The following TMPRSS5 variants were observed in gnomAD, a reference collection of about 807,000 sequenced individuals.
TMPRSS5 encodes transmembrane protease serine 5.
In TMPRSS5, 45 loss-of-function variants were observed where a neutral mutation model predicts 59.7. The observed-to-expected ratio is 0.75, with a 90% confidence interval of 0.59 to 0.97. The LOEUF is 0.97. Ranked by LOEUF, TMPRSS5 falls within the 50% of genes least tolerant of loss-of-function variation. The pLI is 0.00. For missense variants in TMPRSS5, 585 were observed against 596.7 expected, an observed-to-expected ratio of 0.98 and a Z score of 0.20; for synonymous variants, 225 against 232.0, an observed-to-expected ratio of 0.97 and a Z score of 0.27.
chr11:113,704,410 T>C lies in TMPRSS5; in HGVS notation c.3+1812A>G, dbSNP rs191853911. 2.1e-3 allele frequency among the ~76,000 whole-genome samples: 317 copies of C among 152,298 alleles called. 9 individuals carry two copies. Among genetic ancestry groups the C allele is most frequent in the Non-Finnish European group, 4.9e-4 (33 of 68,014 alleles). The stretch of plus-strand genomic sequence containing the variant: ...TAAAGTCAGAGTAATCTTTCTAAAA[T>C]GCAAATATGAGCATGTGAGCCCCAT... On this transcript the variant is annotated intron_variant, in intron 1 of 12. Coordinates refer to ENST00000299882, the MANE Select transcript of TMPRSS5 (RefSeq NM_030770.4).
Position 113,697,358 on chromosome 11 carries a change from C to A in TMPRSS5, c.389G>T (p.Arg130Leu). The change falls in exon 5 of 13, where the codon CGC becomes CTC. Residue 130 changes from arginine (R) to leucine (L), a missense_variant. By Grantham distance (102) the Arg-to-Leu change is moderately radical. Coordinates refer to ENST00000299882, the MANE Select transcript of TMPRSS5 (RefSeq NM_030770.4). The part of the protein sequence containing the change: ...LLEAQVRDQP[R>L]WLLVCHEGWS... ...GCCCTCATGGCAGACCAGGAGCCAGCGTGGCTGATCCCTCACTTGCGCTTC... is the reference window on the plus strand; with the variant it reads ...GCCCTCATGGCAGACCAGGAGCCAGAGTGGCTGATCCCTCACTTGCGCTTC... 1.2e-6 allele frequency: 2 copies of A among 1,613,820 alleles called. No individual in the cohort carries two copies. Among genetic ancestry groups the A allele is most frequent in the Non-Finnish European group, 1.7e-6 (2 of 1,179,724 alleles).
chr11:113,694,666 A>C (rs1382828818), intron 7 of TMPRSS5, 26 bp from the exon 8 acceptor site: 2 of 1,522,966 alleles, frequency 1.3e-6, no homozygotes, highest in African/African-American at 2.8e-5. Context: ...GGTGAGATAG[A>C]AAGAGAGAGA....
chr11:113,697,029 A>G (rs1396523813), intron 5 of TMPRSS5, 58 bp from the exon 6 acceptor site: 2 of 1,332,744 alleles, frequency 1.5e-6, no homozygotes, highest in Non-Finnish European at 1.1e-6. Context: ...TGTACGAGAT[A>G]TAATACTAGT....
chr11:113,701,135 T>C (rs1953118993), intron 1 of TMPRSS5, among the ~76,000 whole-genome samples: 1 of 152,260 alleles, frequency 6.6e-6, no homozygotes, highest in South Asian at 2.1e-4. Flanking sequence ...TAATTCTTTA[T>C]AGCAGTGTGA....
chr11:113,690,928 C>T lies in TMPRSS5; in HGVS notation c.976G>A (p.Ala326Thr), dbSNP rs117055692. 24 of 1,587,296 alleles carry T rather than the reference C, an allele frequency of 1.5e-5. No individual in the cohort carries two copies. The highest frequency in any genetic ancestry group is 7.2e-5 in the Admixed American group (4 of 55,714). ...TALNFSDTVG[A>T]VCLPAKEQHF... ...TGTTCCTTGGCCGGCAGGCACACAG[C>T]GCCCACAGTGTCTGTAGAGAGGCAC... is the stretch of plus-strand genomic sequence containing the variant. The change falls in exon 10 of 13, where the codon GCT becomes ACT. Residue 326 changes from alanine to threonine, a missense_variant. Physicochemically the swap from Ala to Thr is moderately conservative, Grantham distance 58 (BLOSUM62 0). Coordinates refer to ENST00000299882, the MANE Select transcript of TMPRSS5 (RefSeq NM_030770.4).
intron 10 of TMPRSS5, among the ~76,000 whole-genome samples, 199 bp downstream of exon 10, chr11:113,690,642 A>G (rs1952749770): frequency 6.6e-6 from 1 of 152,192 alleles, no homozygotes; most frequent in East Asian, 1.9e-4. Context: ...GTCTGGGTTT[A>G]GGGAAAACTT....
Position 113,698,953 on chromosome 11 carries a change from A to T in TMPRSS5, c.280T>A (p.Ser94Thr). 6.2e-7 allele frequency: 1 copy of T among 1,601,096 alleles called. No homozygotes were observed. Among genetic ancestry groups the T allele is most frequent in the Non-Finnish European group, 8.5e-7 (1 of 1,173,938 alleles). Residue 94 changes from serine (S) to threonine (T), a missense_variant, in exon 4 of 13, where the codon TCA becomes ACA. Ser to Thr is a moderately conservative substitution (Grantham distance 58). Coordinates refer to ENST00000299882, the MANE Select transcript of TMPRSS5 (RefSeq NM_030770.4). ...AGAGCTTCCTCAGCGCTGGCCTCTG[A>T]GCAGCTCAAAGTTATCTCCTCATCC... ...LQDEEITLSC[S>T]EASAEEALLP...
rs1291305283 is a variant in TMPRSS5 at position 113,696,786 on chromosome 11, A to G, written c.578+72T>C. Reference sequence around the variant, plus strand: ...TGTCCTCCCCACCGGCATCCCAAGAAAGGAGATTTTTGCTGGATTGACCAC... The same window carrying G: ...TGTCCTCCCCACCGGCATCCCAAGAGAGGAGATTTTTGCTGGATTGACCAC... On this transcript the variant is annotated intron_variant, in intron 6 of 12. Transcript: ENST00000299882. 4 of 1,028,508 alleles carry G rather than the reference A, an allele frequency of 3.9e-6. No homozygotes were observed. In the East Asian group the frequency reaches 7.8e-5, roughly 20 times the overall value. 63.7% of individuals were successfully genotyped at this position (1,028,508 alleles called of 1,614,324 possible).
intron 1 of TMPRSS5, among the ~76,000 whole-genome samples, chr11:113,704,625 A>G (rs1047942622): frequency 6.6e-6 from 1 of 152,066 alleles, no homozygotes; most frequent in African/African-American, 2.4e-5. Context: ...CACTCTCACA[A>G]CAGAGAGACT....
Position 113,698,947 on chromosome 11 carries a change from C to A in TMPRSS5, c.286G>T (p.Ala96Ser), listed in dbSNP as rs769367086. The part of the protein sequence containing the change: ...DEEITLSCSE[A>S]SAEEALLPAL... ...GGGAGCAGAGCTTCCTCAGCGCTGG[C>A]CTCTGAGCAGCTCAAAGTTATCTCC... is the stretch of plus-strand genomic sequence containing the variant. Residue 96 changes from alanine (A) to serine (S), a missense_variant, in exon 4 of 13, where the codon GCC (alanine) becomes TCC (serine). Transcript: ENST00000299882. The A allele has an allele frequency of 6.3e-7, 1 of 1,598,760 alleles. No homozygotes were observed. The highest frequency in any genetic ancestry group is 8.5e-7 in the Non-Finnish European group (1 of 1,172,856).
intron 12 of TMPRSS5, among the ~76,000 whole-genome samples, chr11:113,688,857 G>A (rs1033114437): frequency 1.7e-4 from 26 of 151,184 alleles, no homozygotes; most frequent in Admixed American, 1.6e-3. Context: ...CACCCCACCC[G>A]ACCAGTAATG....
chr11:113,703,554 G>A (rs981400217), intron 1 of TMPRSS5, among the ~76,000 whole-genome samples: 1 of 152,144 alleles, frequency 6.6e-6, no homozygotes, highest in Non-Finnish European at 1.5e-5. Flanking sequence ...CATGAGATTT[G>A]GAAGGGACCA....
At chr11:113,703,550 AT>A (rs758625668) in intron 1 of TMPRSS5, among the ~76,000 whole-genome samples, 1 of 152,170 alleles carries the variant, frequency 6.6e-6, no homozygotes, top group Non-Finnish European at 1.5e-5. Context: ...AGGACATGAG[AT>A]TTGGAAGGGA....
Position 113,688,133 on chromosome 11 carries a change from C to G in TMPRSS5, c.*127G>C. The stretch of plus-strand genomic sequence containing the variant: ...CAGTGGGTAGTGACTGTTCCTCACA[C>G]ACAGTAGTAGGAGGTCCATGCGTTC... On this transcript the variant is annotated 3_prime_UTR_variant, in exon 13 of 13. Coordinates refer to ENST00000299882, the MANE Select transcript of TMPRSS5 (RefSeq NM_030770.4). 2 of 1,378,832 alleles carry G rather than the reference C, an allele frequency of 1.5e-6. No individual in the cohort carries two copies. The highest frequency in any genetic ancestry group is 1.9e-6 in the Non-Finnish European group (2 of 1,060,338). The allele number at this position is 1,378,832 out of a possible 1,614,324, so 85.4% of individuals were successfully genotyped here.
intron 6 of TMPRSS5, 102 bp from the exon 7 acceptor site, chr11:113,695,545 C>T: frequency 8.3e-7 from 1 of 1,198,618 alleles, no homozygotes; most frequent in Admixed American, 1.9e-5. Context: ...GGGTGGTGGA[C>T]AGTTCTTAAG....
At position 113,699,649 on chromosome 11, in the gene TMPRSS5, C is replaced by T. The variant is rs1416859977; in HGVS notation, c.151G>A (p.Val51Met). Residue 51 changes from valine to methionine, a missense_variant, in exon 3 of 13, where the codon GTG becomes ATG. Coordinates refer to ENST00000299882, the MANE Select transcript of TMPRSS5 (RefSeq NM_030770.4). The stretch of plus-strand genomic sequence containing the variant: ...GCCAGCAGCCCCAGGGCTCCCAGCA[C>T]TGCACAGCCACGTCGCATGGAACGC... ...CWRSMRRGCAVLGALGLLAGA... is the reference protein window; with the variant it reads ...CWRSMRRGCAMLGALGLLAGA... The T allele has an allele frequency of 1.3e-6, 2 of 1,586,672 alleles. No individual in the cohort carries two copies. Among genetic ancestry groups the T allele is most frequent in the Admixed American group, 1.8e-5 (1 of 55,636 alleles).
intron 9 of TMPRSS5, 104 bp from the exon 10 acceptor site, chr11:113,691,043 C>A: frequency 9.3e-7 from 1 of 1,076,042 alleles, no homozygotes; most frequent in Admixed American, 2.2e-5. Flanking sequence ...CAGCCCCCTT[C>A]TCAAACAGTC....
chr11:113,689,648 A>G, intron 12 of TMPRSS5, 117 bp downstream of exon 12: 1 of 1,069,500 alleles, frequency 9.4e-7, no homozygotes, highest in Non-Finnish European at 1.3e-6. Context: ...TCTGGGGAAT[A>G]TGTCCTAGCA....
At chr11:113,704,755 T>G (rs1332171600) in intron 1 of TMPRSS5, among the ~76,000 whole-genome samples, 1 of 151,708 alleles carries the variant, frequency 6.6e-6, no homozygotes, top group Non-Finnish European at 1.5e-5. Flanking sequence ...GGGCCCTATA[T>G]TGTGCTCATT....
Sources: gnomAD v4.1 joint callset for allele counts (sites outside exome capture counted in the v4.1 genomes callset) on GRCh38, gnomAD v4.1.1 for gene constraint, MANE v1.5 for transcripts, NCBI Gene and HGNC (gene_info 2026-07-23, HGNC 2026-07-21) for gene names.